Variants in KCNJ4 observed in about 807,000 individuals in gnomAD.
KCNJ4 encodes potassium inwardly rectifying channel subfamily J member 4, also known as inward rectifier potassium channel 4.
A neutral mutation model predicts 25.6 loss-of-function variants in KCNJ4; 3 were observed. The ratio of observed to expected loss-of-function variants is 0.12; its 90% CI spans 0.05 to 0.30. The LOEUF is 0.30. Among genes scored for constraint, KCNJ4 ranks in the 10% least tolerant of loss-of-function variants. The probability of loss-of-function intolerance (pLI) is 1.00; values close to 1 mark genes in which losing one functional copy is unlikely to be tolerated. For missense variants in KCNJ4, 286 were observed against 666.8 expected (o/e 0.43, Z 6.29); for synonymous variants, 257 against 283.9 (o/e 0.91, Z 0.95).
chr22:38,442,194 A>G (rs2089339662), intron 1 of KCNJ4, among the ~76,000 whole-genome samples: 1 of 152,152 alleles, frequency 6.6e-6, no homozygotes, highest in South Asian at 2.1e-4. Context: ...CTGTGGGAAA[A>G]TGCACATGAA....
chr22:38,445,662 T>A (rs1011040610), intron 1 of KCNJ4, among the ~76,000 whole-genome samples: 1 of 152,180 alleles, frequency 6.6e-6, no homozygotes, highest in Non-Finnish European at 1.5e-5. Context: ...AAAGCTGAAG[T>A]AAGAGCGTCA....
At chr22:38,438,075 C>T (rs765924495) in intron 1 of KCNJ4, among the ~76,000 whole-genome samples, 17 of 151,822 alleles carry the variant, frequency 1.1e-4, no homozygotes, top group Non-Finnish European at 1.6e-4. Flanking sequence ...CCTGTCTCTA[C>T]TAAAAATACA....
chr22:38,439,523 T>A (rs1265374997), intron 1 of KCNJ4, among the ~76,000 whole-genome samples: 1 of 152,122 alleles, frequency 6.6e-6, no homozygotes, highest in African/African-American at 2.4e-5. Context: ...ACGCCTGTAA[T>A]CCCGGCACTT....
chr22:38,454,255 C>T (rs1044490395), intron 1 of KCNJ4, among the ~76,000 whole-genome samples: 6 of 152,206 alleles, frequency 3.9e-5, no homozygotes, highest in African/African-American at 1.2e-4. Context: ...TCCCTGCATC[C>T]TGTCCATCCT....
In KCNJ4 at chr22:38,432,280, T is replaced by TAAATAAATAAATAAATAAATA. The variant is rs1555917613; in HGVS notation, c.-39-4110_-39-4109insTATTTATTTATTTATTTATTT. 2.0e-3 allele frequency among the ~76,000 whole-genome samples: 301 copies of TAAATAAATAAATAAATAAATA among 147,246 alleles called. 2 individuals are homozygous for TAAATAAATAAATAAATAAATA. Among genetic ancestry groups the TAAATAAATAAATAAATAAATA allele is most frequent in the African/African-American group, 4.9e-3 (191 of 38,604 alleles). ...CAAAATAAATAAATAAATAAATAAATAAATAAAATAAAATAAAATAAAATA... is the reference window on the plus strand; with the variant it reads ...CAAAATAAATAAATAAATAAATAAATAAATAAATAAATAAATAAATAAAATAAAATAAAATAAAATAAAATA... On this transcript the variant is annotated intron_variant, in intron 1 of 1. Coordinates refer to ENST00000303592, the MANE Select transcript of KCNJ4 (RefSeq NM_152868.3).
intron 1 of KCNJ4, among the ~76,000 whole-genome samples, chr22:38,438,578 AC>A (rs1279429254): frequency 3.6e-5 from 5 of 137,186 alleles, no homozygotes; most frequent in African/African-American, 1.6e-4. Context: ...ACTCCCAGCT[AC>A]CCGGGAGGCT....
chr22:38,449,502 GC>G lies in KCNJ4; in HGVS notation c.-40+5477del, dbSNP rs1376431193. On this transcript the variant is annotated intron_variant, in intron 1 of 1. Coordinates refer to ENST00000303592, the MANE Select transcript of KCNJ4 (RefSeq NM_152868.3). The surrounding 1 kb of genome is among the most constrained non-coding windows in gnomAD (Gnocchi z 5.2). ...CCCCAGCCACCAAGCAACGGCACCA[GC>G]CATCTGAGCAGCCCTCACGCATGCG... Among the ~76,000 whole-genome samples the G allele has an allele frequency of 6.6e-6, 1 of 152,206 alleles. No homozygotes were observed. The highest frequency in any genetic ancestry group is 1.5e-5 in the Non-Finnish European group (1 of 68,020).
intron 1 of KCNJ4, among the ~76,000 whole-genome samples, chr22:38,437,590 C>G (rs196075): frequency 0.18 from 27,589 of 152,220 alleles, 4,716 homozygotes; most frequent in African/African-American, 0.45. Context: ...GCTGGAGAGA[C>G]ACACTCTGGA....
chr22:38,431,993 C>A (rs1039806676), intron 1 of KCNJ4, among the ~76,000 whole-genome samples: 1 of 151,748 alleles, frequency 6.6e-6, no homozygotes, highest in Non-Finnish European at 1.5e-5. Flanking sequence ...AGGTGACTCA[C>A]GCCTGTAATC....
chr22:38,435,770 G>T (rs1425447568), intron 1 of KCNJ4, among the ~76,000 whole-genome samples: 1 of 152,064 alleles, frequency 6.6e-6, no homozygotes, highest in Non-Finnish European at 1.5e-5. Flanking sequence ...CACAGAGTCT[G>T]TCCCCACTCC....
At position 38,431,468 on chromosome 22, in the gene KCNJ4, G is replaced by C. The variant is rs1261954624; in HGVS notation, c.-39-3297C>G. On this transcript the variant is annotated intron_variant, in intron 1 of 1. Transcript: ENST00000303592. The stretch of plus-strand genomic sequence containing the variant: ...CCACAGTGCAGCCCGATGGGGACAT[G>C]GTTTACCCCTCACCCCGGTGCCTCC... 3.3e-5 allele frequency among the ~76,000 whole-genome samples: 5 copies of C among 152,198 alleles called. No individual in the cohort carries two copies. The East Asian group carries it at 9.6e-4, about 29-fold the overall frequency.
chr22:38,432,348 A>T (rs1602634802), intron 1 of KCNJ4, among the ~76,000 whole-genome samples: 1 of 152,162 alleles, frequency 6.6e-6, no homozygotes, highest in East Asian at 1.9e-4. Context: ...TATCCCTATG[A>T]TTAAACCACT....
At chr22:38,440,068 A>G (rs2089322104) in intron 1 of KCNJ4, among the ~76,000 whole-genome samples, 1 of 149,900 alleles carries the variant, frequency 6.7e-6, no homozygotes, top group African/African-American at 2.5e-5. Flanking sequence ...ACTGCACTCC[A>G]GCCTGGGTGA....
At chr22:38,446,996 A>T (rs2089379407) in intron 1 of KCNJ4, among the ~76,000 whole-genome samples, 2 of 150,832 alleles carry the variant, frequency 1.3e-5, no homozygotes, top group Admixed American at 6.6e-5. Context: ...GCCCACCCTT[A>T]CGGGGCAGGG....
chr22:38,453,956 C>A (rs2089423771), intron 1 of KCNJ4, among the ~76,000 whole-genome samples: 1 of 152,186 alleles, frequency 6.6e-6, no homozygotes, highest in Non-Finnish European at 1.5e-5. Context: ...ACCTTTTGCT[C>A]CCCTCAGCAC....
At chr22:38,431,994 G>A (rs899973183) in intron 1 of KCNJ4, among the ~76,000 whole-genome samples, 25 of 151,356 alleles carry the variant, frequency 1.7e-4, no homozygotes, top group African/African-American at 5.6e-4. Flanking sequence ...GGTGACTCAC[G>A]CCTGTAATCC....
chr22:38,445,929 TG>T (rs1274905108), intron 1 of KCNJ4, among the ~76,000 whole-genome samples: 1 of 152,078 alleles, frequency 6.6e-6, no homozygotes, highest in Non-Finnish European at 1.5e-5. Context: ...GGGGAATTGT[TG>T]GATGTTATGG....
intron 1 of KCNJ4, among the ~76,000 whole-genome samples, chr22:38,448,529 C>A (rs1031780429): frequency 6.6e-6 from 1 of 152,142 alleles, no homozygotes; most frequent in African/African-American, 2.4e-5. Flanking sequence ...CCCTTCCCCT[C>A]GCTCCGATCT....
chr22:38,445,374 C>T (rs1439362709), intron 1 of KCNJ4, among the ~76,000 whole-genome samples: 1 of 152,196 alleles, frequency 6.6e-6, no homozygotes. Context: ...ACCTGAGCAT[C>T]AGAACCTCTA....
Sources: allele counts gnomAD v4.1 joint callset (sites outside exome capture counted in the v4.1 genomes callset), GRCh38; gene constraint gnomAD v4.1.1; non-coding constraint Gnocchi (gnomAD v3.1); transcripts MANE v1.5; gene names NCBI Gene and HGNC (gene_info 2026-07-23, HGNC 2026-07-21).